Variants in GSN observed in about 807,000 individuals in gnomAD.
GSN encodes the protein gelsolin, also known as actin-depolymerizing factor.
A neutral mutation model predicts 85.7 loss-of-function variants in GSN; 56 were observed. The observed-to-expected ratio is 0.65, with a 90% CI of 0.53 to 0.82. The LOEUF (loss-of-function observed/expected upper bound fraction) is 0.82, where lower values mean the gene tolerates loss of function less well. GSN is among the 40% of genes least tolerant of loss of function. GSN has a pLI of 0.00. For synonymous variants in GSN, 373 were observed against 399.1 expected (o/e 0.93, Z 0.78); for missense variants, 857 against 979.8 (o/e 0.87, Z 1.67).
chr9:121,217,331 A>G (rs547944160), intron 4 of GSN, among the ~76,000 whole-genome samples: 2 of 151,066 alleles, frequency 1.3e-5, no homozygotes, highest in South Asian at 4.2e-4. Context: ...GCACCATTGC[A>G]CTCCAGCCTG....
intron 2 of GSN, chr9:121,297,937 T>C (rs553158750): frequency 6.6e-6 from 1 of 152,338 alleles, no homozygotes; most frequent in East Asian, 1.9e-4. Flanking sequence ...GGTTTATGCT[T>C]CCATTAAGAG....
chr9:121,207,407 C>A (rs780005533), upstream of GSN, among the ~76,000 whole-genome samples: 2 of 152,144 alleles, frequency 1.3e-5, no homozygotes, highest in Non-Finnish European at 2.9e-5. Flanking sequence ...TACAGAAGAA[C>A]CCTGAGCTTA....
At position 121,329,168 on chromosome 9, in the gene GSN, G is replaced by A. The variant is rs2063604525; in HGVS notation, c.1888-70G>A. ...TGCAGCCAGCTGTGCCACTCCCTCA[G>A]GGGGCAGATAAAGGAAGGCCACCCA... On this transcript the variant is annotated intron_variant, in intron 15 of 17. Coordinates refer to ENST00000432226, the MANE Select transcript of GSN (RefSeq NM_198252.3). This position sits in a 1 kb window ranked among gnomAD's most constrained non-coding sequence, Gnocchi z 4.6. 1 of 1,461,662 alleles carries A rather than the reference G, an allele frequency of 6.8e-7. No individual in the cohort carries two copies. The highest frequency in any genetic ancestry group is 1.4e-5 in the African/African-American group (1 of 71,942). The allele number at this position is 1,461,662 out of a possible 1,614,324, so 90.5% of individuals were successfully genotyped here.
chr9:121,282,358 G>A (rs2057492673), intron 2 of GSN: 1 of 636,976 alleles, frequency 1.6e-6, no homozygotes, highest in African/African-American at 1.8e-5. Context: ...CACCCAAACA[G>A]AAGTGAATTT....
intron 1 of GSN, among the ~76,000 whole-genome samples, chr9:121,271,538 G>T (rs1564380101): frequency 6.6e-6 from 1 of 152,166 alleles, no homozygotes; most frequent in Non-Finnish European, 1.5e-5. Context: ...GGGTGATGGT[G>T]CAAGGATTCC....
At chr9:121,300,651 G>A (rs1050078175) in intron 2 of GSN, among the ~76,000 whole-genome samples, 13 of 151,906 alleles carry the variant, frequency 8.6e-5, no homozygotes, top group African/African-American at 2.7e-4. Flanking sequence ...CACCCTCCCC[G>A]GCCCCAGCCC....
chr9:121,329,008 G>A lies in GSN; in HGVS notation c.1880G>A (p.Arg627His), dbSNP rs896776181. ...RLFACSNKIG[R>H]FVIEEVPGEL... ...TTTGCCTGCTCCAACAAGATTGGAC[G>A]TTTTGTGGTGAGCCCCTGCGGAGGT... Residue 627 changes from arginine (R) to histidine (H), a missense_variant, in exon 15 of 18, where the codon CGT becomes CAT. Transcript: ENST00000432226. The surrounding 1 kb of genome is among the most constrained non-coding windows in gnomAD (Gnocchi z 4.6). 8.1e-6 allele frequency: 13 copies of A among 1,613,700 alleles called. No individual in the cohort carries two copies. The highest frequency in any genetic ancestry group is 5.0e-5 in the Admixed American group (3 of 59,994).
At chr9:121,230,536 A>G (rs1378108682) in intron 4 of GSN, among the ~76,000 whole-genome samples, 2 of 152,166 alleles carry the variant, frequency 1.3e-5, no homozygotes, top group Non-Finnish European at 2.9e-5. Context: ...GGGGGATAAG[A>G]GCCTGGGTTT....
At chr9:121,325,794 G>A (rs1465747449) in intron 12 of GSN, among the ~76,000 whole-genome samples, 1 of 152,070 alleles carries the variant, frequency 6.6e-6, no homozygotes, top group Non-Finnish European at 1.5e-5. Flanking sequence ...CTTGGGAGTA[G>A]CATCCTTGGC....
chr9:121,254,682 A>G (rs1026057961), intron 6 of GSN, among the ~76,000 whole-genome samples: 2 of 152,240 alleles, frequency 1.3e-5, no homozygotes, highest in Non-Finnish European at 2.9e-5. Flanking sequence ...CCTTTTAGCA[A>G]TGAGCACACG....
intron 14 of GSN, among the ~76,000 whole-genome samples, chr9:121,328,484 G>A (rs754817271): frequency 2.0e-5 from 3 of 152,214 alleles, no homozygotes; most frequent in Non-Finnish European, 4.4e-5. Flanking sequence ...GACAGAGCAG[G>A]TATAGTGGAA....
chr9:121,327,712 G>T (rs2063396818), intron 14 of GSN, among the ~76,000 whole-genome samples: 1 of 149,028 alleles, frequency 6.7e-6, no homozygotes, highest in African/African-American at 2.6e-5. Context: ...GGTGGTTCAT[G>T]CCTGTAATCC....
chr9:121,237,281 G>A lies in GSN; in HGVS notation c.-389+5978G>A, dbSNP rs1187940679. 2.0e-5 allele frequency among the ~76,000 whole-genome samples: 3 copies of A among 152,180 alleles called. No homozygotes were observed. The East Asian group carries it at 5.8e-4, about 29-fold the overall frequency. On this transcript the variant is annotated intron_variant, in intron 5 of 24. Coordinates refer to the GSN transcript ENST00000373823. Reference sequence around the variant, plus strand: ...GTAGGCAGTCAAAATCATCTGCTAGGCTAGGGGTGATGTCTCATGCCTGTA... The same window carrying A: ...GTAGGCAGTCAAAATCATCTGCTAGACTAGGGGTGATGTCTCATGCCTGTA...
chr9:121,295,830 G>A (rs747015803), intron 2 of GSN, among the ~76,000 whole-genome samples: 4 of 152,218 alleles, frequency 2.6e-5, no homozygotes, highest in South Asian at 2.1e-4. Context: ...GGAGATCTCC[G>A]AGGTGCACAG....
chr9:121,281,729 T>C (rs1426601339), intron 2 of GSN, 167 bp downstream of exon 2: 1 of 471,172 alleles, frequency 2.1e-6, no homozygotes, highest in Non-Finnish European at 4.4e-6. Context: ...CTCTGCTCCT[T>C]TCCTGTCCTT....
intron 1 of GSN, among the ~76,000 whole-genome samples, chr9:121,276,203 A>G (rs146832187): frequency 6.6e-6 from 1 of 152,340 alleles, no homozygotes; most frequent in East Asian, 1.9e-4. Flanking sequence ...ATTATTCCCA[A>G]ATCAACCATT....
At chr9:121,288,564 G>A (rs1274805952) in intron 2 of GSN, among the ~76,000 whole-genome samples, 1 of 152,178 alleles carries the variant, frequency 6.6e-6, no homozygotes, top group Non-Finnish European at 1.5e-5. Context: ...GTGAATGTGA[G>A]TATCAGTTTC....
At chr9:121,223,534 A>G (rs1222752325) in intron 4 of GSN, among the ~76,000 whole-genome samples, 1 of 152,220 alleles carries the variant, frequency 6.6e-6, no homozygotes, top group Non-Finnish European at 1.5e-5. Flanking sequence ...CATGGTTACA[A>G]TAGCTAGCTA....
chr9:121,260,985 T>G (rs2055072366), intron 6 of GSN, among the ~76,000 whole-genome samples: 1 of 152,256 alleles, frequency 6.6e-6, no homozygotes, highest in Non-Finnish European at 1.5e-5. Context: ...TTTAAGTTTC[T>G]CTAAATTCCT....
Sources: gnomAD v4.1 joint callset for allele counts (sites outside exome capture counted in the v4.1 genomes callset) on GRCh38, gnomAD v4.1.1 for gene constraint, Gnocchi (gnomAD v3.1) non-coding constraint, MANE v1.5 for transcripts, NCBI Gene and HGNC (gene_info 2026-07-23, HGNC 2026-07-21) for gene names.